The following MCC variants were observed in gnomAD, a reference collection of about 807,000 sequenced individuals.
MCC encodes the protein MCC regulator of Wnt signaling pathway.
A neutral mutation model predicts 116.2 loss-of-function variants in MCC; 90 were observed. The ratio of observed to expected loss-of-function variants is 0.77; its 90% CI spans 0.65 to 0.92. The LOEUF (loss-of-function observed/expected upper bound fraction) is 0.92. MCC is among the 40% of genes least tolerant of loss of function. The pLI is 0.00. For synonymous variants in MCC, 578 were observed against 510.5 expected, an observed-to-expected ratio of 1.13 and a Z score of -1.78; for missense variants, 1,516 against 1,312.2, an observed-to-expected ratio of 1.16 and a Z score of -2.40.
chr5:113,433,733 A>G lies in MCC; in HGVS notation c.171-48521T>C, dbSNP rs372810336. ...CCATCTCATTCCCTGGGCCGCAAGA[A>G]GCTCACTGGGCCCGCGTCTCTGGAG... On this transcript the variant is annotated intron_variant, in intron 1 of 18. Coordinates refer to ENST00000408903, the MANE Select transcript of MCC (RefSeq NM_001085377.2). 7 of 1,608,210 alleles carry G rather than the reference A, an allele frequency of 4.4e-6. No individual in the cohort carries two copies. In the African/African-American group the frequency reaches 8.0e-5, roughly 18 times the overall value.
chr5:113,128,369 G>A (rs544895262), intron 5 of MCC, among the ~76,000 whole-genome samples: 1 of 152,332 alleles, frequency 6.6e-6, no homozygotes, highest in South Asian at 2.1e-4. Context: ...TAAATTAAGA[G>A]TAGACTTGCC....
intron 1 of MCC, among the ~76,000 whole-genome samples, chr5:113,469,182 C>T (rs961731100): frequency 3.3e-5 from 5 of 152,046 alleles, no homozygotes; most frequent in South Asian, 2.1e-4. Flanking sequence ...CTCTATTTCC[C>T]TCAGTTCTGC....
chr5:113,458,623 G>A (rs1260759232), intron 1 of MCC, among the ~76,000 whole-genome samples: 2 of 152,180 alleles, frequency 1.3e-5, no homozygotes, highest in Non-Finnish European at 1.5e-5. Flanking sequence ...AAGCACAATG[G>A]ATAAAAATGT....
intron 3 of MCC, among the ~76,000 whole-genome samples, chr5:113,218,117 C>CG (rs1763394570): frequency 1.6e-4 from 2 of 12,578 alleles, no homozygotes; most frequent in African/African-American, 1.2e-3. Context: ...AGGTGGGAAA[C>CG]TGGGGGGAGT....
intron 1 of MCC, among the ~76,000 whole-genome samples, chr5:113,475,643 A>G (rs1772217484): frequency 6.6e-6 from 1 of 152,150 alleles, no homozygotes; most frequent in South Asian, 2.1e-4. Flanking sequence ...AGATTTTTCA[A>G]TTTATGGAAC....
intron 1 of MCC, among the ~76,000 whole-genome samples, chr5:113,417,032 C>T (rs255875): frequency 0.28 from 41,771 of 147,368 alleles, 8,414 homozygotes; most frequent in African/African-American, 0.57. Context: ...TGCAGTGGCA[C>T]GATCTCGGCT....
rs200787776 is a variant in MCC at position 113,184,472 on chromosome 5, G to GTTTTTTTT, written c.628-33051_628-33050insAAAAAAAA. Among the ~76,000 whole-genome samples the GTTTTTTTT allele has an allele frequency of 8.1e-5, 10 of 123,798 alleles. 2 individuals are homozygous for GTTTTTTTT. The highest frequency in any genetic ancestry group is 1.3e-4 in the African/African-American group (4 of 31,628). The allele number at this position is 123,798 out of a possible 152,430, so 81.2% of individuals were successfully genotyped here. Reference sequence around the variant, plus strand: ...ACATAGCAATTTAGTTTCTTTCTTCGTTTTTTGTTTTTTTTTTTTTTTTTT... The same window carrying GTTTTTTTT: ...ACATAGCAATTTAGTTTCTTTCTTCGTTTTTTTTTTTTTTGTTTTTTTTTTTTTTTTTT... On this transcript the variant is annotated intron_variant, in intron 3 of 18. Transcript: ENST00000408903.
chr5:113,382,204 G>T (rs1581441367), intron 2 of MCC, among the ~76,000 whole-genome samples: 2 of 152,034 alleles, frequency 1.3e-5, no homozygotes, highest in African/African-American at 4.8e-5. Context: ...GAGTCAGAAG[G>T]AGAGGTTAAT....
At chr5:113,147,504 A>G (rs1759592469) in intron 4 of MCC, among the ~76,000 whole-genome samples, 1 of 152,192 alleles carries the variant, frequency 6.6e-6, no homozygotes, top group Admixed American at 6.5e-5. Flanking sequence ...GGTTCTTGGA[A>G]AATGCAATGC....
At chr5:113,128,612 A>G (rs1354775676) in intron 5 of MCC, among the ~76,000 whole-genome samples, 1 of 152,208 alleles carries the variant, frequency 6.6e-6, no homozygotes, top group East Asian at 1.9e-4. Context: ...AACAAATGGG[A>G]TTTTGAAATG....
intron 6 of MCC, among the ~76,000 whole-genome samples, chr5:113,117,518 G>T (rs185946681): frequency 2.6e-4 from 40 of 152,268 alleles, no homozygotes; most frequent in Admixed American, 2.2e-3. Flanking sequence ...AACCTTGAGG[G>T]TATAATAGTT....
intron 1 of MCC, among the ~76,000 whole-genome samples, chr5:113,459,476 T>G (rs1260282438): frequency 6.6e-6 from 1 of 150,758 alleles, no homozygotes; most frequent in Non-Finnish European, 1.5e-5. Context: ...AGGTAGAGCT[T>G]GCAGTGAGCC....
At chr5:113,083,274 T>C (rs1432055786) in intron 10 of MCC, among the ~76,000 whole-genome samples, 1 of 152,104 alleles carries the variant, frequency 6.6e-6, no homozygotes. Context: ...GGGGAGATCA[T>C]GCCTTCTTGG....
chr5:113,456,288 C>T (rs2150422677), intron 1 of MCC, among the ~76,000 whole-genome samples: 1 of 152,248 alleles, frequency 6.6e-6, no homozygotes, highest in African/African-American at 2.4e-5. Context: ...TCAGACTCTA[C>T]CAGGGGAAAT....
intron 6 of MCC, among the ~76,000 whole-genome samples, chr5:113,120,876 C>A (rs1757696049): frequency 6.6e-6 from 1 of 152,168 alleles, no homozygotes; most frequent in South Asian, 2.1e-4. Context: ...TTCTGAAGCA[C>A]CTCCGCTCAA....
chr5:113,182,686 A>G (rs978313305), intron 3 of MCC, among the ~76,000 whole-genome samples: 2 of 152,162 alleles, frequency 1.3e-5, no homozygotes, highest in African/African-American at 4.8e-5. Context: ...CACATACAAC[A>G]TATGTCACAG....
intron 3 of MCC, among the ~76,000 whole-genome samples, chr5:113,285,814 G>C (rs979102708): frequency 1.3e-5 from 2 of 152,176 alleles, no homozygotes; most frequent in East Asian, 1.9e-4. Flanking sequence ...CATCAGTTTT[G>C]TTTGTTGCTG....
At chr5:113,285,462 A>T (rs1766215507) in intron 3 of MCC, among the ~76,000 whole-genome samples, 1 of 151,154 alleles carries the variant, frequency 6.6e-6, no homozygotes, top group African/African-American at 2.4e-5. Flanking sequence ...GCCCTAGGTG[A>T]TCTGGCCAGA....
At chr5:113,207,140 G>A (rs955670214) in intron 3 of MCC, among the ~76,000 whole-genome samples, 1 of 152,274 alleles carries the variant, frequency 6.6e-6, no homozygotes, top group African/African-American at 2.4e-5. Flanking sequence ...CACACAAAAA[G>A]GTTACACATG....
Sources: gnomAD v4.1 joint callset for allele counts (sites outside exome capture counted in the v4.1 genomes callset) on GRCh38, gnomAD v4.1.1 for gene constraint, MANE v1.5 for transcripts, NCBI Gene and HGNC (gene_info 2026-07-23, HGNC 2026-07-21) for gene names.